The following GK5 variants were observed in gnomAD, a reference collection of about 807,000 sequenced individuals.
GK5 encodes glycerol kinase 5.
Under a neutral mutation model 77.3 loss-of-function variants are expected in GK5, and 39 were observed. That is an observed-to-expected ratio of 0.50 (90% CI 0.39 to 0.66). The LOEUF is 0.66. GK5 is among the 30% of genes least tolerant of loss of function. The probability of loss-of-function intolerance (pLI) is 0.00; values close to 1 mark genes in which losing one functional copy is unlikely to be tolerated. For missense variants in GK5, 487 were observed against 633.8 expected, an observed-to-expected ratio of 0.77 and a Z score of 2.49; for synonymous variants, 211 against 208.0, an observed-to-expected ratio of 1.01 and a Z score of -0.13.
chr3:142,182,786 ATAAT>A, intron 10 of GK5, 133 bp downstream of exon 10: 1 of 563,688 alleles, frequency 1.8e-6, no homozygotes, highest in East Asian at 3.1e-5. Context: ...AAGGGAAATG[ATAAT>A]TAACTGTCTT....
At chr3:142,224,001 A>G (rs940152667) in intron 1 of GK5, among the ~76,000 whole-genome samples, 25 of 152,220 alleles carry the variant, frequency 1.6e-4, no homozygotes, top group Admixed American at 1.2e-3. Flanking sequence ...CGGGACACTG[A>G]GAAAAAGGGG....
chr3:142,203,834 C>T (rs189218883), intron 4 of GK5, among the ~76,000 whole-genome samples: 45 of 152,104 alleles, frequency 3.0e-4, no homozygotes, highest in Non-Finnish European at 5.0e-4. Flanking sequence ...ACATAAAATA[C>T]TGTAGGTCTG....
At position 142,198,914 on chromosome 3, in the gene GK5, C is replaced by A. The variant is rs769114880; in HGVS notation, c.431G>T (p.Arg144Leu). The change falls in exon 5 of 16, where the codon CGA becomes CTA. Residue 144 changes from arginine to leucine, a missense_variant. Coordinates refer to ENST00000392993, the MANE Select transcript of GK5 (RefSeq NM_001039547.3). ...ACTTCTAGTGAAAAAGTGAAGCACTCGGCAAGAACTGTGAAATATCTATAT... is the reference window on the plus strand; with the variant it reads ...ACTTCTAGTGAAAAAGTGAAGCACTAGGCAAGAACTGTGAAATATCTATAT... Reference protein sequence around the residue: ...LLMKIFHSSCRVLHFFTRSKR... With the variant: ...LLMKIFHSSCLVLHFFTRSKR... The A allele has an allele frequency of 6.2e-7, 1 of 1,610,660 alleles. No homozygotes were observed. The highest frequency in any genetic ancestry group is 8.5e-7 in the Non-Finnish European group (1 of 1,178,242).
In GK5 at chr3:142,172,462, G is replaced by A. The variant is rs1560210316; in HGVS notation, c.1144-6C>T. 6.8e-7 allele frequency: 1 copy of A among 1,478,456 alleles called. No individual in the cohort carries two copies. Among genetic ancestry groups the A allele is most frequent in the Non-Finnish European group, 9.4e-7 (1 of 1,065,392 alleles). The allele number at this position is 1,478,456 out of a possible 1,614,324, so 91.6% of individuals were successfully genotyped here. Reference sequence around the variant, plus strand: ...CAGGGGTCATTTAATGGAGCCTACAGTAAGAGATAACAAGAATATATTATT... The same window carrying A: ...CAGGGGTCATTTAATGGAGCCTACAATAAGAGATAACAAGAATATATTATT... On this transcript the variant is annotated splice_region_variant and splice_polypyrimidine_tract_variant and intron_variant, in intron 12 of 15. Transcript: ENST00000392993.
At chr3:142,210,496 T>A (rs751127143) in intron 3 of GK5, among the ~76,000 whole-genome samples, 1 of 152,176 alleles carries the variant, frequency 6.6e-6, no homozygotes, top group Non-Finnish European at 1.5e-5. Flanking sequence ...ATGAGCAGAA[T>A]AGGCTCCGCT....
intron 3 of GK5, among the ~76,000 whole-genome samples, chr3:142,210,401 C>T (rs905626067): frequency 1.3e-5 from 2 of 152,116 alleles, no homozygotes; most frequent in African/African-American, 4.8e-5. Context: ...CTGTGCTGTG[C>T]CCATCTGTGT....
intron 11 of GK5, 30 bp from the exon 12 acceptor site, chr3:142,177,606 C>A: frequency 1.4e-6 from 2 of 1,388,806 alleles, no homozygotes; most frequent in Non-Finnish European, 2.0e-6. Flanking sequence ...ACAAAAAACC[C>A]TAAAACAAAA....
At chr3:142,168,125 T>C (rs2063494155) in intron 15 of GK5, among the ~76,000 whole-genome samples, 1 of 152,240 alleles carries the variant, frequency 6.6e-6, no homozygotes, top group African/African-American at 2.4e-5. Flanking sequence ...GTGAAAAGTG[T>C]AGAAGAATTT....
chr3:142,162,045 C>CT lies in GK5; in HGVS notation c.*3576dup, dbSNP rs2063429454. On this transcript the variant is annotated 3_prime_UTR_variant, in exon 16 of 16. Coordinates refer to ENST00000392993, the MANE Select transcript of GK5 (RefSeq NM_001039547.3). ...AAACTCCTGAGCTGAAGTGATCCGC[C>CT]TGCCTTGGCCTCCCAAAGTGCTAGG... The CT allele has an allele frequency of 2.6e-5, 4 of 152,194 alleles. No homozygotes were observed. In the South Asian group the frequency reaches 8.3e-4, roughly 32 times the overall value. 9.4% of individuals were successfully genotyped at this position (152,194 alleles called of 1,614,324 possible). A position where few individuals can be genotyped will look rare whatever the true frequency, so the allele number is the denominator to read the frequency against.
chr3:142,208,042 G>A (rs1208871064), intron 3 of GK5, among the ~76,000 whole-genome samples: 1 of 152,126 alleles, frequency 6.6e-6, no homozygotes, highest in Non-Finnish European at 1.5e-5. Context: ...CTACCAAGAT[G>A]CACACCTTCC....
In GK5 at chr3:142,161,091, G is replaced by T. The variant is rs67722812; in HGVS notation, c.*4531C>A. ...AGAGTAGTTCTTCTTTTGTTTTTTT[G>T]TTTTTGTTTTTGTTTTTGTTTTTTT... is the stretch of plus-strand genomic sequence containing the variant. On this transcript the variant is annotated 3_prime_UTR_variant, in exon 16 of 16. Coordinates refer to ENST00000392993, the MANE Select transcript of GK5 (RefSeq NM_001039547.3). The T allele has an allele frequency of 0.17, 19,089 of 114,772 alleles. 1,523 individuals carry two copies. The highest frequency in any genetic ancestry group is 0.24 in the African/African-American group (9,066 of 37,120). The allele number at this position is 114,772 out of a possible 1,614,324, so 7.1% of individuals were successfully genotyped here.
intron 5 of GK5, among the ~76,000 whole-genome samples, chr3:142,191,998 AAAAC>A (rs1010614846): frequency 1.3e-5 from 2 of 152,144 alleles, no homozygotes; most frequent in African/African-American, 2.4e-5. Flanking sequence ...AATCTGTCTC[AAAAC>A]AAACAAACAA....
intron 6 of GK5, among the ~76,000 whole-genome samples, chr3:142,186,825 T>TTC (rs2063779729): frequency 6.6e-6 from 1 of 151,986 alleles, no homozygotes; most frequent in Non-Finnish European, 1.5e-5. Context: ...GAGACGGGGT[T>TTC]TCTCCATGTT....
chr3:142,204,927 T>C, intron 3 of GK5, 139 bp from the exon 4 acceptor site: 3 of 600,840 alleles, frequency 5.0e-6, no homozygotes, highest in South Asian at 4.2e-5. Flanking sequence ...TTCTGAATGA[T>C]TTCTTCTTGA....
chr3:142,205,700 T>C (rs2064095490), intron 3 of GK5, among the ~76,000 whole-genome samples: 1 of 152,184 alleles, frequency 6.6e-6, no homozygotes, highest in Non-Finnish European at 1.5e-5. Context: ...ATTACTTTAA[T>C]AGCTTGCCAT....
rs780399780 is a variant in GK5, at chr3:142,225,412, G to A, written c.44C>T (p.Pro15Leu). 3.7e-6 allele frequency: 6 copies of A among 1,601,200 alleles called. No individual in the cohort carries two copies. The highest frequency in any genetic ancestry group is 3.4e-6 in the Non-Finnish European group (4 of 1,176,434). ...CCCCAGCACGAAGCCGGGGTACCGC[G>A]GCTCCTGCGCTCTCTGCTCCGGGTC... ...LTDPEQRAQE[P>L]RYPGFVLGLD... The change falls in exon 1 of 16, where the codon CCG becomes CTG. Residue 15 changes from proline (P) to leucine (L), a missense_variant. Physicochemically the swap from Pro to Leu is moderately conservative, Grantham distance 98. Transcript: ENST00000392993.
At position 142,171,441 on chromosome 3, in the gene GK5, G is replaced by A; in HGVS notation, c.1285C>T (p.His429Tyr). The change falls in exon 14 of 16, where the codon CAT (histidine) becomes TAT (tyrosine). Residue 429 changes from histidine to tyrosine, a missense_variant. His to Tyr is a moderately conservative substitution (Grantham distance 83). This residue lies in a region of GK5 where 323 missense variants were observed against 437.4 expected (regional missense o/e 0.74). Coordinates refer to ENST00000392993, the MANE Select transcript of GK5 (RefSeq NM_001039547.3). ...TACCGGATTTTTCTTACAGGAATATGAATCTCTTTCTTCATCATCTCATAT... is the reference window on the plus strand; with the variant it reads ...TACCGGATTTTTCTTACAGGAATATAAATCTCTTTCTTCATCATCTCATAT... ...QLYEMMKKEI[H>Y]IPVRKIRADG... 1 of 1,473,628 alleles carries A rather than the reference G, an allele frequency of 6.8e-7. No individual in the cohort carries two copies. Among genetic ancestry groups the A allele is most frequent in the Non-Finnish European group, 9.1e-7 (1 of 1,092,948 alleles). 91.3% of individuals were successfully genotyped at this position (1,473,628 alleles called of 1,614,324 possible).
In GK5 at chr3:142,186,411, C is replaced by A. The variant is rs9837628; in HGVS notation, c.681+41G>T. Reference sequence around the variant, plus strand: ...AAAATTTAAATCTATCTATATTACACAAAAATGTGTGATTCAAAAAGAAGA... The same window carrying A: ...AAAATTTAAATCTATCTATATTACAAAAAAATGTGTGATTCAAAAAGAAGA... On this transcript the variant is annotated intron_variant, in intron 7 of 15. Coordinates refer to ENST00000392993, the MANE Select transcript of GK5 (RefSeq NM_001039547.3). 0.14 allele frequency: 167,976 copies of A among 1,182,850 alleles called. 12,940 individuals are homozygous for A. Among genetic ancestry groups the A allele is most frequent in the Admixed American group, 0.21 (8,420 of 40,808 alleles). 73.3% of individuals were successfully genotyped at this position (1,182,850 alleles called of 1,614,324 possible).
In GK5 at chr3:142,164,741, C is replaced by G. The variant is rs2063455678; in HGVS notation, c.*881G>C. 1 of 152,102 alleles carries G rather than the reference C, an allele frequency of 6.6e-6. No individual in the cohort carries two copies. Among genetic ancestry groups the G allele is most frequent in the South Asian group, 2.1e-4 (1 of 4,826 alleles). 9.4% of individuals were successfully genotyped at this position (152,102 alleles called of 1,614,324 possible). ...TTCAAATTAAGCTCTGTCAATTAGGCACTTAATAAAAACAAAAGACATTTA... is the reference window on the plus strand; with the variant it reads ...TTCAAATTAAGCTCTGTCAATTAGGGACTTAATAAAAACAAAAGACATTTA... On this transcript the variant is annotated 3_prime_UTR_variant, in exon 16 of 16. Coordinates refer to ENST00000392993, the MANE Select transcript of GK5 (RefSeq NM_001039547.3).
Sources: allele counts gnomAD v4.1 joint callset (sites outside exome capture counted in the v4.1 genomes callset), GRCh38; gene constraint gnomAD v4.1.1; regional missense constraint gnomAD v4.1.1; transcripts MANE v1.5; gene names NCBI Gene and HGNC (gene_info 2026-07-23, HGNC 2026-07-21).